The following CCSER1 variants were observed in gnomAD, a reference collection of about 807,000 sequenced individuals.
The protein encoded by CCSER1 is serine-rich coiled-coil domain-containing protein 1.
In CCSER1, 41 loss-of-function variants were observed where a neutral mutation model predicts 82.0. The ratio of observed to expected loss-of-function variants is 0.50; its 90% CI spans 0.39 to 0.65. The LOEUF (loss-of-function observed/expected upper bound fraction) is 0.65, where lower values mean the gene tolerates loss of function less well. Among genes scored for constraint, CCSER1 ranks in the 30% least tolerant of loss-of-function variants. The pLI is 0.00. For missense variants in CCSER1, 1,119 were observed against 1,064.2 expected (o/e 1.05, Z -0.72); for synonymous variants, 414 against 383.9 (o/e 1.08, Z -0.92).
chr4:91,178,361 A>T (rs995949711), intron 10 of CCSER1, among the ~76,000 whole-genome samples: 7 of 151,368 alleles, frequency 4.6e-5, no homozygotes, highest in Admixed American at 6.6e-5. Context: ...ATTCCTGGAT[A>T]TCCTTGTTAA....
intron 5 of CCSER1, among the ~76,000 whole-genome samples, chr4:90,542,764 G>T (rs75042607): frequency 0.033 from 4,984 of 152,054 alleles, 271 homozygotes; most frequent in African/African-American, 0.11. Flanking sequence ...TCCTAATGGA[G>T]TTTTTATTAA....
At chr4:90,711,102 T>A (rs1042925657) in intron 6 of CCSER1, among the ~76,000 whole-genome samples, 1 of 151,978 alleles carries the variant, frequency 6.6e-6, no homozygotes, top group Non-Finnish European at 1.5e-5. Context: ...ATTGTAAATG[T>A]GAATTCATTC....
chr4:91,286,602 A>G (rs1304130530), intron 10 of CCSER1, among the ~76,000 whole-genome samples: 1 of 151,858 alleles, frequency 6.6e-6, no homozygotes, highest in Non-Finnish European at 1.5e-5. Context: ...TAACATTTGG[A>G]TAAAATTTGG....
At chr4:91,412,623 C>T (rs777871766) in intron 10 of CCSER1, among the ~76,000 whole-genome samples, 107 of 152,108 alleles carry the variant, frequency 7.0e-4, no homozygotes, top group African/African-American at 1.9e-3. Context: ...ATAGACTCTG[C>T]GGCAGATTCA....
intron 10 of CCSER1, among the ~76,000 whole-genome samples, chr4:91,161,894 G>A (rs1731442977): frequency 6.6e-6 from 1 of 152,038 alleles, no homozygotes; most frequent in Non-Finnish European, 1.5e-5. Flanking sequence ...GTGACAATTT[G>A]ACTTCCTCTT....
intron 5 of CCSER1, among the ~76,000 whole-genome samples, chr4:90,613,060 G>A (rs566026893): frequency 2.6e-5 from 4 of 152,140 alleles, no homozygotes; most frequent in East Asian, 1.9e-4. Context: ...TACACCCAAC[G>A]GTACACAGGC....
intron 6 of CCSER1, among the ~76,000 whole-genome samples, chr4:90,642,793 TG>T (rs1560868364): frequency 6.6e-6 from 1 of 152,072 alleles, no homozygotes; most frequent in Non-Finnish European, 1.5e-5. Flanking sequence ...AGTTTGAGGC[TG>T]CAATAAGGTG....
chr4:91,176,267 A>AG (rs1455065058), intron 10 of CCSER1, among the ~76,000 whole-genome samples: 2 of 152,156 alleles, frequency 1.3e-5, no homozygotes, highest in Admixed American at 1.3e-4. Flanking sequence ...TGATGCCTCC[A>AG]GCTTTGTTCT....
At chr4:91,450,813 T>G (rs767418392) in intron 10 of CCSER1, among the ~76,000 whole-genome samples, 2 of 151,820 alleles carry the variant, frequency 1.3e-5, no homozygotes, top group Non-Finnish European at 2.9e-5. Context: ...GCTAAAAAAA[T>G]GTCATGGGAA....
chr4:90,379,933 G>T (rs562474970), intron 3 of CCSER1, among the ~76,000 whole-genome samples: 2 of 152,080 alleles, frequency 1.3e-5, no homozygotes, highest in Non-Finnish European at 1.5e-5. Context: ...AGGAGCAGGG[G>T]CAAGAGGAAG....
intron 10 of CCSER1, among the ~76,000 whole-genome samples, chr4:91,286,436 T>C (rs1743281878): frequency 6.6e-6 from 1 of 151,852 alleles, no homozygotes; most frequent in African/African-American, 2.4e-5. Flanking sequence ...AGTACATTTT[T>C]ATTTAAATAC....
intron 10 of CCSER1, among the ~76,000 whole-genome samples, chr4:91,110,221 G>A (rs1324945628): frequency 1.3e-5 from 2 of 151,874 alleles, no homozygotes; most frequent in Non-Finnish European, 2.9e-5. Flanking sequence ...CATTTGTTGA[G>A]ACACATGGAG....
At chr4:91,049,141 A>G (rs1361704807) in intron 9 of CCSER1, among the ~76,000 whole-genome samples, 1 of 152,176 alleles carries the variant, frequency 6.6e-6, no homozygotes, top group Non-Finnish European at 1.5e-5. Context: ...CATTTAATAA[A>G]CTTTTAAATG....
intron 10 of CCSER1, among the ~76,000 whole-genome samples, chr4:91,292,006 G>C (rs906559818): frequency 6.6e-6 from 1 of 151,916 alleles, no homozygotes; most frequent in Non-Finnish European, 1.5e-5. Context: ...TAATATTTCT[G>C]TTAAAGCATC....
chr4:91,447,031 G>A (rs190074368), intron 10 of CCSER1, among the ~76,000 whole-genome samples: 1 of 152,126 alleles, frequency 6.6e-6, no homozygotes, highest in Admixed American at 6.6e-5. Flanking sequence ...TTAGCACAGG[G>A]ACATGGGGTG....
chr4:91,072,995 A>G (rs540358194), intron 9 of CCSER1, among the ~76,000 whole-genome samples: 1 of 152,226 alleles, frequency 6.6e-6, no homozygotes, highest in Admixed American at 6.5e-5. Flanking sequence ...CCATTTTTAC[A>G]AAGACAGAAC....
intron 10 of CCSER1, among the ~76,000 whole-genome samples, chr4:91,501,382 T>G (rs1759204067): frequency 6.6e-6 from 1 of 151,966 alleles, no homozygotes; most frequent in South Asian, 2.1e-4. Flanking sequence ...TTTACATTTA[T>G]TGTAGTAACT....
At chr4:90,207,743 C>A (rs1335647790) in intron 1 of CCSER1, among the ~76,000 whole-genome samples, 3 of 152,156 alleles carry the variant, frequency 2.0e-5, no homozygotes, top group Non-Finnish European at 4.4e-5. Context: ...TTCCTTCTAA[C>A]AGTCAGGCCC....
intron 8 of CCSER1, among the ~76,000 whole-genome samples, chr4:90,911,646 G>A (rs1004133805): frequency 6.6e-6 from 1 of 152,132 alleles, no homozygotes; most frequent in African/African-American, 2.4e-5. Context: ...GACAGTGGGT[G>A]TAGCGCACCA....
Sources: gnomAD v4.1 joint callset for allele counts (sites outside exome capture counted in the v4.1 genomes callset) on GRCh38, gnomAD v4.1.1 for gene constraint, MANE v1.5 for transcripts, NCBI Gene and HGNC (gene_info 2026-07-23, HGNC 2026-07-21) for gene names.